WWOX: variants seen among roughly 807,000 people sequenced by gnomAD.
WWOX encodes the protein WW domain-containing oxidoreductase.
In WWOX, 69 loss-of-function variants were observed where a neutral mutation model predicts 46.2. That is an observed-to-expected ratio of 1.49 (90% confidence interval 1.23 to 1.82). The LOEUF is 1.82. Among genes scored for constraint, WWOX ranks in the 40% most tolerant of loss-of-function variants. The pLI, the probability that WWOX is intolerant of heterozygous loss-of-function variation, is 0.00. For missense variants in WWOX, 919 were observed against 542.6 expected (o/e 1.69, Z -6.89); for synonymous variants, 359 against 202.6 (o/e 1.77, Z -6.56).
chr16:79,208,282 A>G (rs570361270), intron 8 of WWOX, among the ~76,000 whole-genome samples: 9 of 152,004 alleles, frequency 5.9e-5, no homozygotes, highest in African/African-American at 1.7e-4. Flanking sequence ...GTCGTCAACA[A>G]CCTAACTCAT....
At position 78,219,685 on chromosome 16, in the gene WWOX, A is replaced by T. The variant is rs149027123; in HGVS notation, c.516+55396A>T. Reference sequence around the variant, plus strand: ...TTATTTGGGAAGACATTATTTGGCAACCAGGCAGATAAAGCTCTGTTACCA... The same window carrying T: ...TTATTTGGGAAGACATTATTTGGCATCCAGGCAGATAAAGCTCTGTTACCA... On this transcript the variant is annotated intron_variant, in intron 5 of 8. Transcript: ENST00000566780. Among the ~76,000 whole-genome samples, 5 of 152,306 alleles carry T rather than the reference A, an allele frequency of 3.3e-5. No homozygotes were observed. In the East Asian group the frequency reaches 9.6e-4, roughly 29 times the overall value.
At chr16:79,095,122 A>C (rs1343826351) in intron 8 of WWOX, among the ~76,000 whole-genome samples, 1 of 152,182 alleles carries the variant, frequency 6.6e-6, no homozygotes. Flanking sequence ...GGCTTCTCTA[A>C]AAGGCTTCCC....
chr16:78,814,971 G>C (rs191551296), intron 8 of WWOX, among the ~76,000 whole-genome samples: 19 of 152,276 alleles, frequency 1.2e-4, no homozygotes, highest in Admixed American at 5.2e-4. Context: ...GTTGGATTTA[G>C]CAATTTAATT....
At chr16:78,324,994 C>G (rs1567501838) in intron 5 of WWOX, among the ~76,000 whole-genome samples, 1 of 152,180 alleles carries the variant, frequency 6.6e-6, no homozygotes, top group African/African-American at 2.4e-5. Context: ...GAGAAAACCA[C>G]TCAGGGCCCG....
At chr16:78,668,377 C>G (rs993141495) in intron 8 of WWOX, among the ~76,000 whole-genome samples, 1 of 152,218 alleles carries the variant, frequency 6.6e-6, no homozygotes, top group Admixed American at 6.5e-5. Flanking sequence ...TCCGTAAGTA[C>G]TTTGAGGGCA....
At chr16:78,361,600 C>T (rs2081411147) in intron 5 of WWOX, among the ~76,000 whole-genome samples, 1 of 151,982 alleles carries the variant, frequency 6.6e-6, no homozygotes, top group Non-Finnish European at 1.5e-5. Flanking sequence ...CCCTTCTCCC[C>T]CATTTCTTTC....
At chr16:78,803,509 C>T (rs72801038) in intron 8 of WWOX, among the ~76,000 whole-genome samples, 4,160 of 152,110 alleles carry the variant, frequency 0.027, 101 homozygotes, top group South Asian at 0.042. Context: ...TGCAGTGGTG[C>T]GATCACAGCT....
chr16:79,173,149 A>C (rs997158178), intron 8 of WWOX, among the ~76,000 whole-genome samples: 1 of 152,198 alleles, frequency 6.6e-6, no homozygotes, highest in Non-Finnish European at 1.5e-5. Flanking sequence ...ATGTGTGCCC[A>C]TGTCTCTGGG....
chr16:78,864,449 T>C (rs1475045160), intron 8 of WWOX, among the ~76,000 whole-genome samples: 1 of 151,862 alleles, frequency 6.6e-6, no homozygotes, highest in African/African-American at 2.4e-5. Context: ...TGTATTTTTT[T>C]GTAGAGGCAA....
At chr16:78,325,246 T>A (rs1439043289) in intron 5 of WWOX, among the ~76,000 whole-genome samples, 1 of 152,234 alleles carries the variant, frequency 6.6e-6, no homozygotes, top group African/African-American at 2.4e-5. Flanking sequence ...ATGTCTAATT[T>A]TAAATATGTT....
At chr16:78,691,314 G>T in intron 8 of WWOX, 3 of 700,498 alleles carry the variant, frequency 4.3e-6, no homozygotes, top group South Asian at 1.5e-5. Context: ...CCTTGTAAAA[G>T]ATTTACAATT....
chr16:78,167,591 A>G (rs2035014684), intron 5 of WWOX: 1 of 151,976 alleles, frequency 6.6e-6, no homozygotes. Flanking sequence ...GGCTGAAGAA[A>G]CTCAACCTGT....
At chr16:78,758,033 C>T (rs1387431774) in intron 8 of WWOX, among the ~76,000 whole-genome samples, 1 of 152,030 alleles carries the variant, frequency 6.6e-6, no homozygotes, top group African/African-American at 2.4e-5. Flanking sequence ...CAATCTTTCC[C>T]CACCTTCACA....
chr16:78,944,981 C>G (rs1025666740), intron 8 of WWOX, among the ~76,000 whole-genome samples: 2 of 152,112 alleles, frequency 1.3e-5, no homozygotes, highest in African/African-American at 2.4e-5. Flanking sequence ...GAGTTCAAGA[C>G]CAGCCTGAGC....
intron 8 of WWOX, among the ~76,000 whole-genome samples, chr16:78,454,191 T>C (rs1344333807): frequency 6.6e-6 from 1 of 152,190 alleles, no homozygotes; most frequent in African/African-American, 2.4e-5. Context: ...TTTCAATGTT[T>C]TGGATGACTT....
At chr16:78,659,986 A>G (rs1342330953) in intron 8 of WWOX, among the ~76,000 whole-genome samples, 4 of 152,212 alleles carry the variant, frequency 2.6e-5, no homozygotes, top group African/African-American at 9.7e-5. Flanking sequence ...TGTAGGGCTC[A>G]TCAGTACATT....
chr16:79,017,459 A>G (rs925347572), intron 8 of WWOX: 105 of 146,970 alleles, frequency 7.1e-4, no homozygotes, highest in African/African-American at 2.3e-3. Flanking sequence ...AAAAAAAAAA[A>G]AAAGAAAGAA....
intron 6 of WWOX, among the ~76,000 whole-genome samples, chr16:78,388,260 G>T (rs2151935127): frequency 6.6e-6 from 1 of 152,184 alleles, no homozygotes; most frequent in East Asian, 1.9e-4. Context: ...CAAACTCCTG[G>T]CCTCAGGTGA....
chr16:78,314,589 A>T (rs1256654384), intron 5 of WWOX, among the ~76,000 whole-genome samples: 1 of 137,762 alleles, frequency 7.3e-6, no homozygotes, highest in Non-Finnish European at 1.5e-5. Flanking sequence ...TAATGGCGTG[A>T]TACTGGCTCA....
Sources: gnomAD v4.1 joint callset for allele counts (sites outside exome capture counted in the v4.1 genomes callset) on GRCh38, gnomAD v4.1.1 for gene constraint, MANE v1.5 for transcripts, NCBI Gene and HGNC (gene_info 2026-07-23, HGNC 2026-07-21) for gene names.